The following CSMD1 variants were observed in gnomAD, a reference collection of about 807,000 sequenced individuals.
CSMD1 encodes the protein CUB and sushi domain-containing protein 1.
Under a neutral mutation model 417.5 loss-of-function variants are expected in CSMD1, and 213 were observed. That is an observed-to-expected ratio of 0.51 (90% CI 0.46 to 0.57). CSMD1 has a LOEUF of 0.57. CSMD1 is among the 20% of genes least tolerant of loss of function. CSMD1 has a pLI of 0.00. For missense variants in CSMD1, 6,923 were observed against 4,529.7 expected, an observed-to-expected ratio of 1.53 and a Z score of -15.17; for synonymous variants, 2,862 against 1,736.8, an observed-to-expected ratio of 1.65 and a Z score of -16.11.
At chr8:3,386,591 G>C (rs552285611) in intron 18 of CSMD1, among the ~76,000 whole-genome samples, 6 of 152,124 alleles carry the variant, frequency 3.9e-5, no homozygotes, top group African/African-American at 1.2e-4. Context: ...AAGAAGTCAA[G>C]GTGTTTAATG....
At chr8:4,829,033 T>C (rs943222499) in intron 1 of CSMD1, among the ~76,000 whole-genome samples, 1 of 152,180 alleles carries the variant, frequency 6.6e-6, no homozygotes, top group African/African-American at 2.4e-5. Context: ...CATTATGATA[T>C]TGAAAAGTAA....
chr8:3,132,294 T>C (rs1179412670), intron 41 of CSMD1, among the ~76,000 whole-genome samples: 5 of 152,000 alleles, frequency 3.3e-5, no homozygotes, highest in Non-Finnish European at 7.4e-5. Flanking sequence ...TTTTTTTTTT[T>C]AATTCCTAGC....
chr8:3,723,057 G>C (rs565982124), intron 6 of CSMD1, among the ~76,000 whole-genome samples: 1 of 152,180 alleles, frequency 6.6e-6, no homozygotes, highest in South Asian at 2.1e-4. Flanking sequence ...TAGCGCAGCT[G>C]CTTTCTTCTC....
chr8:3,782,876 C>G lies in CSMD1; in HGVS notation c.819-28834G>C, dbSNP rs369497536. ...CCCTAGCTCGCCTGGGAATACTATA[C>G]CGTGAGCCATTACCAAAAAATAAAT... On this transcript the variant is annotated intron_variant, in intron 5 of 69. Coordinates refer to ENST00000635120, the MANE Select transcript of CSMD1 (RefSeq NM_033225.6). Among the ~76,000 whole-genome samples, 159 of 152,250 alleles carry G rather than the reference C, an allele frequency of 1.0e-3. 2 individuals are homozygous for G. The South Asian group carries it at 0.012, about 12-fold the overall frequency.
chr8:3,293,782 T>C (rs530970104), intron 25 of CSMD1, among the ~76,000 whole-genome samples: 1 of 152,222 alleles, frequency 6.6e-6, no homozygotes. Context: ...AACTTCCTCC[T>C]GTAGCTCAGA....
At chr8:4,950,446 T>G (rs1393958102) in intron 1 of CSMD1, among the ~76,000 whole-genome samples, 3 of 152,128 alleles carry the variant, frequency 2.0e-5, no homozygotes, top group African/African-American at 7.2e-5. Context: ...CGACTCAACT[T>G]GTGAAAAAGC....
At chr8:3,680,655 G>C (rs1799604999) in intron 7 of CSMD1, among the ~76,000 whole-genome samples, 1 of 151,992 alleles carries the variant, frequency 6.6e-6, no homozygotes, top group Non-Finnish European at 1.5e-5. Flanking sequence ...CCAATCAATA[G>C]AAAAAAGAGG....
At chr8:3,845,830 A>G (rs1803467330) in intron 5 of CSMD1, among the ~76,000 whole-genome samples, 1 of 151,548 alleles carries the variant, frequency 6.6e-6, no homozygotes, top group South Asian at 2.1e-4. Flanking sequence ...TCTTCTATTT[A>G]ATTTTTTTTT....
intron 5 of CSMD1, among the ~76,000 whole-genome samples, chr8:3,822,812 G>C (rs986235341): frequency 6.6e-6 from 1 of 152,194 alleles, no homozygotes; most frequent in Admixed American, 6.5e-5. Context: ...AGAACTTTGG[G>C]CTTATTTTTT....
intron 20 of CSMD1, among the ~76,000 whole-genome samples, chr8:3,365,844 C>G (rs1025410469): frequency 5.3e-5 from 8 of 152,048 alleles, no homozygotes; most frequent in Non-Finnish European, 1.0e-4. Flanking sequence ...GGTGTCGATC[C>G]CCGCACAGTG....
chr8:3,606,546 G>C (rs1369432870), intron 8 of CSMD1, among the ~76,000 whole-genome samples: 2 of 152,104 alleles, frequency 1.3e-5, no homozygotes, highest in Admixed American at 6.5e-5. Flanking sequence ...AAGTTGCTCT[G>C]TGTGAGTCAG....
chr8:4,203,300 C>T (rs1585016162), intron 3 of CSMD1, among the ~76,000 whole-genome samples: 1 of 152,120 alleles, frequency 6.6e-6, no homozygotes, highest in East Asian at 1.9e-4. Context: ...ACAGGCCCCT[C>T]AACACCACGG....
chr8:3,432,007 T>C (rs567295788), intron 12 of CSMD1, among the ~76,000 whole-genome samples: 8 of 152,302 alleles, frequency 5.3e-5, no homozygotes, highest in African/African-American at 1.7e-4. Flanking sequence ...AAGAGATCAC[T>C]GTGTGAATTC....
At chr8:3,243,247 C>T (rs533243000) in intron 26 of CSMD1, among the ~76,000 whole-genome samples, 34 of 152,180 alleles carry the variant, frequency 2.2e-4, no homozygotes, top group African/African-American at 6.7e-4. Flanking sequence ...ATCTTTTTCA[C>T]GGAGCAAAGA....
intron 12 of CSMD1, among the ~76,000 whole-genome samples, chr8:3,437,279 A>T (rs1007151051): frequency 1.3e-5 from 2 of 152,204 alleles, no homozygotes; most frequent in Non-Finnish European, 2.9e-5. Flanking sequence ...CAGGCATCCC[A>T]AATGACGGAG....
chr8:3,484,317 A>G (rs919041430), intron 11 of CSMD1, among the ~76,000 whole-genome samples: 2 of 152,238 alleles, frequency 1.3e-5, no homozygotes, highest in African/African-American at 2.4e-5. Flanking sequence ...AAGGCAGAAA[A>G]GCAGTTCAAT....
At chr8:3,591,466 ATTAAACAT>A (rs1387734766) in intron 8 of CSMD1, among the ~76,000 whole-genome samples, 2 of 152,324 alleles carry the variant, frequency 1.3e-5, no homozygotes, top group East Asian at 3.9e-4. Context: ...TTGAGAACTT[ATTAAACAT>A]TGGTATCATA....
At chr8:3,159,828 T>G (rs562297493) in intron 38 of CSMD1, among the ~76,000 whole-genome samples, 1 of 152,320 alleles carries the variant, frequency 6.6e-6, no homozygotes, top group African/African-American at 2.4e-5. Flanking sequence ...TTATAAGAAA[T>G]TTCTTTGGTA....
intron 1 of CSMD1, among the ~76,000 whole-genome samples, chr8:4,776,424 T>C (rs1796855908): frequency 6.6e-6 from 1 of 152,168 alleles, no homozygotes; most frequent in Non-Finnish European, 1.5e-5. Flanking sequence ...CTCTAGAGAA[T>C]TCTTCGGATC....
Sources: gnomAD v4.1 joint callset for allele counts (sites outside exome capture counted in the v4.1 genomes callset) on GRCh38, gnomAD v4.1.1 for gene constraint, MANE v1.5 for transcripts, NCBI Gene and HGNC (gene_info 2026-07-23, HGNC 2026-07-21) for gene names.